Variants in RNF38 observed in about 807,000 individuals in gnomAD.
RNF38 encodes the protein E3 ubiquitin-protein ligase RNF38.
A neutral mutation model predicts 67.2 loss-of-function variants in RNF38; 15 were observed. The ratio of observed to expected loss-of-function variants is 0.22; its 90% CI spans 0.15 to 0.34. RNF38 has a LOEUF of 0.34. Among genes scored for constraint, RNF38 ranks in the 10% least tolerant of loss-of-function variants. The probability of loss-of-function intolerance (pLI) is 1.00; values close to 1 mark genes in which losing one functional copy is unlikely to be tolerated. For synonymous variants in RNF38, 220 were observed against 218.8 expected, an observed-to-expected ratio of 1.01 and a Z score of -0.05; for missense variants, 524 against 639.9, an observed-to-expected ratio of 0.82 and a Z score of 1.95.
intron 2 of RNF38, among the ~76,000 whole-genome samples, chr9:36,385,970 A>G (rs1836598768): frequency 6.6e-6 from 1 of 152,174 alleles, no homozygotes; most frequent in African/African-American, 2.4e-5. Context: ...GCCTTCTACA[A>G]CCAGCAGGAT....
At chr9:36,482,151 TC>T (rs1362441288) in intron 1 of RNF38, among the ~76,000 whole-genome samples, 1 of 151,298 alleles carries the variant, frequency 6.6e-6, no homozygotes, top group Non-Finnish European at 1.5e-5. Flanking sequence ...CCTCCTGGGT[TC>T]AAGCGATTCT....
intron 6 of RNF38, among the ~76,000 whole-genome samples, 187 bp downstream of exon 6, chr9:36,356,116 G>A (rs1320520508): frequency 5.9e-5 from 9 of 152,064 alleles, no homozygotes; most frequent in Admixed American, 5.9e-4. Context: ...CAGGGTGCTG[G>A]GATTACAGGA....
At chr9:36,426,521 T>C (rs1838775805) in intron 1 of RNF38, among the ~76,000 whole-genome samples, 1 of 152,234 alleles carries the variant, frequency 6.6e-6, no homozygotes, top group South Asian at 2.1e-4. Context: ...GGCTAAATAA[T>C]ATTCCAGTAT....
intron 1 of RNF38, among the ~76,000 whole-genome samples, chr9:36,481,429 C>A (rs989534484): frequency 6.6e-6 from 1 of 152,160 alleles, no homozygotes. Context: ...CCAAGAACAG[C>A]GCTAATATCC....
Position 36,357,846 on chromosome 9 carries a change from T to C in RNF38, c.667A>G (p.Thr223Ala). 6 of 1,613,394 alleles carry C rather than the reference T, an allele frequency of 3.7e-6. No homozygotes were observed. Among genetic ancestry groups the C allele is most frequent in the Non-Finnish European group, 5.1e-6 (6 of 1,179,380 alleles). The change falls in exon 5 of 12, where the codon ACA becomes GCA. Residue 223 changes from threonine (T) to alanine (A), a missense_variant. This residue lies in a region of RNF38 where 461 missense variants were observed against 517.4 expected (regional missense o/e 0.89). Coordinates refer to ENST00000259605, the MANE Select transcript of RNF38 (RefSeq NM_022781.5). ...ACAGAGCATCCTGGGACCTGCTGTG[T>C]ACTACAAGCAGGGATGTGCTGGCCT... ...CTGQHIPACSTQQVPGCSVVF... is the reference protein window; with the variant it reads ...CTGQHIPACSAQQVPGCSVVF...
At position 36,345,033 on chromosome 9, in the gene RNF38, T is replaced by C. The variant is rs577714012; in HGVS notation, c.1264-80A>G. Reference sequence around the variant, plus strand: ...TACTTTTTTTTTTTAAGAGATGGAGTCCTGCTATGTTGCCCAGGCTAGAGT... The same window carrying C: ...TACTTTTTTTTTTTAAGAGATGGAGCCCTGCTATGTTGCCCAGGCTAGAGT... On this transcript the variant is annotated intron_variant, in intron 9 of 11. Transcript: ENST00000259605. 191 of 1,457,432 alleles carry C rather than the reference T, an allele frequency of 1.3e-4. No individual in the cohort carries two copies. In the African/African-American group the frequency reaches 2.4e-3, roughly 18 times the overall value. 90.3% of individuals were successfully genotyped at this position (1,457,432 alleles called of 1,614,324 possible).
chr9:36,465,642 G>A (rs1458625458), intron 1 of RNF38, among the ~76,000 whole-genome samples: 2 of 152,156 alleles, frequency 1.3e-5, no homozygotes, highest in African/African-American at 4.8e-5. Context: ...ACTATACCCG[G>A]CCCATAGCAG....
chr9:36,485,448 T>C (rs892903033), intron 1 of RNF38, among the ~76,000 whole-genome samples: 1 of 152,196 alleles, frequency 6.6e-6, no homozygotes, highest in Non-Finnish European at 1.5e-5. Context: ...CAAGCTTATC[T>C]ATCCACAACC....
chr9:36,487,261 G>C, intron 1 of RNF38: 2 of 980,206 alleles, frequency 2.0e-6, no homozygotes, highest in Non-Finnish European at 2.4e-6. Flanking sequence ...CCACCCGCGG[G>C]ACCGACCCAC....
chr9:36,369,928 G>C lies in RNF38; in HGVS notation c.361C>G (p.Pro121Ala). Residue 121 changes from proline to alanine, a missense_variant, in exon 4 of 12, where the codon CCT (proline) becomes GCT (alanine). Transcript: ENST00000259605. ...NTPARNRRSP[P>A]VRRQRGRRDR... ...CTTCTTCCTCTCTGGCGCCTGACAG[G>C]AGGACTGTGATAAATATCAAAAAGA... 2 of 1,611,576 alleles carry C rather than the reference G, an allele frequency of 1.2e-6. No homozygotes were observed. The highest frequency in any genetic ancestry group is 1.1e-5 in the South Asian group (1 of 90,944).
chr9:36,339,925 G>T, intron 11 of RNF38, 111 bp from the exon 12 acceptor site: 1 of 991,558 alleles, frequency 1.0e-6, no homozygotes, highest in South Asian at 1.4e-5. Flanking sequence ...TTCTTCCTCT[G>T]AAGAGGTACA....
At chr9:36,353,458 G>T in intron 6 of RNF38, 127 bp from the exon 7 acceptor site, 1 of 538,830 alleles carries the variant, frequency 1.9e-6, no homozygotes, top group East Asian at 3.3e-5. Context: ...TGCATCTCTT[G>T]ATATTCACAT....
intron 2 of RNF38, among the ~76,000 whole-genome samples, chr9:36,424,420 T>C (rs1216098613): frequency 1.3e-5 from 2 of 151,956 alleles, no homozygotes; most frequent in Non-Finnish European, 2.9e-5. Flanking sequence ...CCACCTCGGG[T>C]TGAGGAATTT....
At chr9:36,353,970 CAAACAA>C (rs756995719) in intron 6 of RNF38, among the ~76,000 whole-genome samples, 3 of 152,014 alleles carry the variant, frequency 2.0e-5, no homozygotes, top group Admixed American at 1.3e-4. Context: ...GGCTCTGTCT[CAAACAA>C]AAACAAAAAC....
chr9:36,353,284 A>C lies in RNF38; in HGVS notation c.957T>G (p.Leu319=). ...GAGGGTAAGTAAAACCTCCTACTGG[A>C]AGATGTTCTCCTAAGAGTTCCACTT... The part of the protein sequence containing the change: ...ENEVELLGEH[L]PVGGFTYPPS... Residue 319 remains leucine (L), a synonymous_variant, in exon 7 of 12, where the codon CTT becomes CTG. Coordinates refer to ENST00000259605, the MANE Select transcript of RNF38 (RefSeq NM_022781.5). 6.2e-7 allele frequency: 1 copy of C among 1,613,270 alleles called. No homozygotes were observed. The highest frequency in any genetic ancestry group is 8.5e-7 in the Non-Finnish European group (1 of 1,179,682).
chr9:36,373,972 C>T (rs534842655), intron 3 of RNF38, among the ~76,000 whole-genome samples: 7 of 151,952 alleles, frequency 4.6e-5, no homozygotes, highest in South Asian at 2.1e-4. Context: ...ATTACAGGTG[C>T]GAGCCACTGC....
chr9:36,349,530 C>A (rs1833539629), intron 9 of RNF38, among the ~76,000 whole-genome samples: 1 of 152,006 alleles, frequency 6.6e-6, no homozygotes, highest in Admixed American at 6.5e-5. Flanking sequence ...TAAATATTAA[C>A]CCCTTATCAG....
chr9:36,343,682 G>A (rs1255315996), intron 10 of RNF38, among the ~76,000 whole-genome samples: 8 of 149,504 alleles, frequency 5.4e-5, no homozygotes, highest in East Asian at 3.9e-4. Flanking sequence ...ATCCATCGAC[G>A]AAAAAAAAAT....
chr9:36,340,359 A>C (rs1057069280), intron 11 of RNF38, among the ~76,000 whole-genome samples: 2 of 151,648 alleles, frequency 1.3e-5, no homozygotes, highest in Non-Finnish European at 2.9e-5. Context: ...TTAACAACTG[A>C]CATTAAAGTA....
Sources: allele counts gnomAD v4.1 joint callset (sites outside exome capture counted in the v4.1 genomes callset), GRCh38; gene constraint gnomAD v4.1.1; regional missense constraint gnomAD v4.1.1; transcripts MANE v1.5; gene names NCBI Gene and HGNC (gene_info 2026-07-23, HGNC 2026-07-21).